The following RAB27A variants were observed in gnomAD, a reference collection of about 807,000 sequenced individuals.
RAB27A encodes the protein ras-related protein Rab-27A.
RAB27A carries 17 observed loss-of-function variants against 20.8 expected under a neutral mutation model. The observed-to-expected ratio is 0.82, with a 90% CI of 0.56 to 1.23. RAB27A has a LOEUF of 1.23. RAB27A is among the 50% of genes most tolerant of loss of function. The pLI is 0.00. For synonymous variants in RAB27A, 85 were observed against 92.8 expected (o/e 0.92, Z 0.48); for missense variants, 277 against 266.7 (o/e 1.04, Z -0.27).
chr15:55,217,792 G>C (rs774505986), intron 6 of RAB27A, among the ~76,000 whole-genome samples: 4 of 150,270 alleles, frequency 2.7e-5, no homozygotes, highest in Non-Finnish European at 4.4e-5. Context: ...CCATGGAGCC[G>C]TATTGCCAAA....
rs552583176 is a variant in RAB27A, at chr15:55,254,043, A to G, written c.-23+16122T>C. 3.9e-5 allele frequency among the ~76,000 whole-genome samples: 6 copies of G among 152,322 alleles called. No individual in the cohort carries two copies. The South Asian group carries it at 1.2e-3, about 32-fold the overall frequency. On this transcript the variant is annotated intron_variant, in intron 2 of 6. Coordinates refer to ENST00000336787, the MANE Select transcript of RAB27A (RefSeq NM_183235.3). ...GTTGAAATGAGATTCTGCATGAGAG[A>G]TAACTGTAAAGTAGTAAAAAAGGTT... is the stretch of plus-strand genomic sequence containing the variant.
intron 2 of RAB27A, among the ~76,000 whole-genome samples, chr15:55,236,469 G>A (rs560765195): frequency 5.9e-5 from 9 of 152,234 alleles, no homozygotes; most frequent in Admixed American, 5.2e-4. Context: ...GCTTACCTAT[G>A]TTTACCTGGG....
rs552637862 is a variant in RAB27A at position 55,299,844 on chromosome 15, G to A, written c.-112+14195C>T. On this transcript the variant is annotated intron_variant, in intron 2 of 5. Coordinates refer to the RAB27A transcript ENST00000563262. ...TTTTTTTCTTTTTTTTTTTTGAGAT[G>A]GAGTCTCACTCTGTCACCCAGGCTG... is the stretch of plus-strand genomic sequence containing the variant. 3.5e-5 allele frequency among the ~76,000 whole-genome samples: 5 copies of A among 144,684 alleles called. No homozygotes were observed. In the South Asian group the frequency reaches 6.6e-4, roughly 19 times the overall value. 94.9% of individuals were successfully genotyped at this position (144,684 alleles called of 152,430 possible).
In RAB27A at chr15:55,204,520, G is replaced by C. The variant is rs1894549573; in HGVS notation, c.*987C>G. ...TTCCACCAATGGAAAAGCAAAACAA[G>C]TTGCAAATATCAACAATACAGAGCC... On this transcript the variant is annotated 3_prime_UTR_variant, in exon 7 of 7. Coordinates refer to ENST00000336787, the MANE Select transcript of RAB27A (RefSeq NM_183235.3). 6.6e-6 allele frequency: 1 copy of C among 152,132 alleles called. No homozygotes were observed. The highest frequency in any genetic ancestry group is 1.5e-5 in the Non-Finnish European group (1 of 68,016). The allele number at this position is 152,132 out of a possible 1,614,324, so 9.4% of individuals were successfully genotyped here.
intron 2 of RAB27A, among the ~76,000 whole-genome samples, chr15:55,266,418 G>C (rs141322811): frequency 5.3e-5 from 8 of 152,308 alleles, no homozygotes; most frequent in African/African-American, 1.9e-4. Context: ...GATTTTGAGG[G>C]TTTGAATTGT....
At chr15:55,273,089 G>A (rs1897754057) in intron 1 of RAB27A, among the ~76,000 whole-genome samples, 1 of 152,154 alleles carries the variant, frequency 6.6e-6, no homozygotes. Flanking sequence ...TACTTTAAAT[G>A]TAAATGTATT....
chr15:55,229,664 CA>C lies in RAB27A; in HGVS notation c.239+736del, dbSNP rs1015226878. Among the ~76,000 whole-genome samples, 16 of 133,222 alleles carry C rather than the reference CA, an allele frequency of 1.2e-4. No homozygotes were observed. In the East Asian group the frequency reaches 1.7e-3, roughly 14 times the overall value. 87.4% of individuals were successfully genotyped at this position (133,222 alleles called of 152,430 possible). A position where few individuals can be genotyped will look rare whatever the true frequency, so the allele number is the denominator to read the frequency against. On this transcript the variant is annotated intron_variant, in intron 4 of 6. Transcript: ENST00000336787. ...TGGGCAACAAGAATGAAACTCCGCC[CA>C]AAAAAAAAACAAAAAAGAGCTCTTA...
chr15:55,310,548 C>T (rs548512917), intron 2 of RAB27A, among the ~76,000 whole-genome samples: 2 of 152,102 alleles, frequency 1.3e-5, no homozygotes, highest in Non-Finnish European at 2.9e-5. Flanking sequence ...CCTTGTAGAC[C>T]GCACTGAAAG....
intron 2 of RAB27A, among the ~76,000 whole-genome samples, chr15:55,310,142 G>A (rs2055013972): frequency 6.6e-6 from 1 of 152,118 alleles, no homozygotes; most frequent in South Asian, 2.1e-4. Context: ...AATTAGAAAA[G>A]CATGTGAAAA....
intron 2 of RAB27A, among the ~76,000 whole-genome samples, chr15:55,302,176 C>A (rs865983621): frequency 2.6e-3 from 313 of 119,576 alleles, no homozygotes; most frequent in African/African-American, 2.8e-3. Flanking sequence ...GACTCTGTCT[C>A]AAAAAAAAAA....
In RAB27A at chr15:55,204,614, A is replaced by G. The variant is rs1894554271; in HGVS notation, c.*893T>C. The G allele has an allele frequency of 6.6e-6, 1 of 152,262 alleles. No homozygotes were observed. The highest frequency in any genetic ancestry group is 1.5e-5 in the Non-Finnish European group (1 of 68,048). 9.4% of individuals were successfully genotyped at this position (152,262 alleles called of 1,614,324 possible). A position where few individuals can be genotyped will look rare whatever the true frequency, so the allele number is the denominator to read the frequency against. ...TGCAGCCTGAGGATGCCAGATCAAC[A>G]TTATAAATATGAAGAAAAAGAAACT... is the stretch of plus-strand genomic sequence containing the variant. On this transcript the variant is annotated 3_prime_UTR_variant, in exon 7 of 7. Coordinates refer to ENST00000336787, the MANE Select transcript of RAB27A (RefSeq NM_183235.3).
At chr15:55,276,387 C>T (rs1566933510) in intron 1 of RAB27A, among the ~76,000 whole-genome samples, 2 of 152,066 alleles carry the variant, frequency 1.3e-5, no homozygotes. Flanking sequence ...ATGTGATCTC[C>T]CATATATTTA....
intron 2 of RAB27A, chr15:55,237,312 T>C (rs1057384779): frequency 2.0e-5 from 3 of 152,178 alleles, no homozygotes; most frequent in African/African-American, 7.2e-5. Flanking sequence ...ACTTGGGGAC[T>C]CACCTTATGC....
At chr15:55,251,676 G>A (rs1303173989) in intron 2 of RAB27A, among the ~76,000 whole-genome samples, 1 of 152,132 alleles carries the variant, frequency 6.6e-6, no homozygotes, top group Non-Finnish European at 1.5e-5. Flanking sequence ...ATATTATTTT[G>A]TGCTGTATCA....
At chr15:55,273,234 C>G (rs1185361325) in intron 1 of RAB27A, among the ~76,000 whole-genome samples, 5 of 151,724 alleles carry the variant, frequency 3.3e-5, no homozygotes, top group African/African-American at 1.2e-4. Flanking sequence ...TGGTGAAACT[C>G]CATCTCTACT....
rs1173348917 is a variant in RAB27A, at chr15:55,230,436, G to C, written c.204C>G (p.Ile68Met). The change falls in exon 4 of 7, where the codon ATC (isoleucine) becomes ATG (methionine). Residue 68 changes from isoleucine to methionine, a missense_variant. By Grantham distance (10) the Ile-to-Met change is conservative. Coordinates refer to ENST00000336787, the MANE Select transcript of RAB27A (RefSeq NM_183235.3). ...CTGCTGTGTCCCATAACTGCAGGTG[G>C]ATTCTCTGGCCTCTGCCAGTGGCTC... Reference protein sequence around the residue: ...PDGATGRGQRIHLQLWDTAGQ... With the variant: ...PDGATGRGQRMHLQLWDTAGQ... 4.3e-6 allele frequency: 7 copies of C among 1,613,936 alleles called. No individual in the cohort carries two copies. The highest frequency in any genetic ancestry group is 4.2e-6 in the Non-Finnish European group (5 of 1,179,826).
At chr15:55,292,223 T>C (rs942375289), upstream of RAB27A, among the ~76,000 whole-genome samples, 1 of 152,232 alleles carries the variant, frequency 6.6e-6, no homozygotes, top group South Asian at 2.1e-4. Flanking sequence ...AATATGCTAA[T>C]AGTTTTGACT....
intron 2 of RAB27A, among the ~76,000 whole-genome samples, chr15:55,304,568 T>C (rs927644290): frequency 6.6e-6 from 1 of 152,242 alleles, no homozygotes; most frequent in African/African-American, 2.4e-5. Flanking sequence ...TTTCTGTCTC[T>C]AGACATTTAC....
At chr15:55,229,501 C>T (rs763676236) in intron 4 of RAB27A, among the ~76,000 whole-genome samples, 1 of 152,014 alleles carries the variant, frequency 6.6e-6, no homozygotes, top group South Asian at 2.1e-4. Context: ...CATGGAGAAA[C>T]CCCAACTCTA....
Sources: allele counts gnomAD v4.1 joint callset (sites outside exome capture counted in the v4.1 genomes callset), GRCh38; gene constraint gnomAD v4.1.1; transcripts MANE v1.5; gene names NCBI Gene and HGNC (gene_info 2026-07-23, HGNC 2026-07-21).